GIN1: variants seen among roughly 807,000 people sequenced by gnomAD.
The protein encoded by GIN1 is gypsy retrotransposon integrase-like protein 1.
GIN1 carries 41 observed loss-of-function variants against 51.4 expected under a neutral mutation model. The ratio of observed to expected loss-of-function variants is 0.80; its 90% confidence interval spans 0.62 to 1.04. GIN1 has a LOEUF of 1.04. GIN1 is among the 50% of genes least tolerant of loss of function. The pLI, the probability that GIN1 is intolerant of heterozygous loss-of-function variation, is 0.00. For missense variants in GIN1, 610 were observed against 612.4 expected (o/e 1.00, Z 0.04); for synonymous variants, 222 against 206.5 (o/e 1.07, Z -0.64).
chr5:103,096,507 G>A (rs1562327275), intron 7 of GIN1, 34 bp downstream of exon 7: 2 of 1,457,244 alleles, frequency 1.4e-6, no homozygotes, highest in Non-Finnish European at 1.9e-6. Context: ...CTTACCTAAA[G>A]CAATAAAAAT....
At chr5:103,106,605 C>A (rs1369711760) in intron 3 of GIN1, 111 bp downstream of exon 3, 1 of 626,518 alleles carries the variant, frequency 1.6e-6, no homozygotes, top group Non-Finnish European at 2.7e-6. Flanking sequence ...TAAGTGATTG[C>A]CAAAAATACT....
At chr5:103,118,749 GTT>G (rs10555111) in intron 1 of GIN1, among the ~76,000 whole-genome samples, 1,813 of 87,048 alleles carry the variant, frequency 0.021, 34 homozygotes, top group African/African-American at 0.056. Flanking sequence ...AATGAAAGTT[GTT>G]TTTTTTTTTT....
Position 103,096,809 on chromosome 5 carries a change from C to T in GIN1, c.1026G>A (p.Leu342=). 6.9e-6 allele frequency: 11 copies of T among 1,591,876 alleles called. No individual in the cohort carries two copies. Among genetic ancestry groups the T allele is most frequent in the Non-Finnish European group, 9.5e-6 (11 of 1,161,328 alleles). ...TSLGQMENNN[L]DELNKSKIIV... is the part of the protein sequence containing the mutation. ...TGATCTTGCTTTTATTTAGTTCATC[C>T]AAATTGTTGTTCTCCATCTACAAGT... The change falls in exon 7 of 8, where the codon TTG becomes TTA. Residue 342 remains leucine (L), a synonymous_variant. Coordinates refer to ENST00000399004, the MANE Select transcript of GIN1 (RefSeq NM_017676.2).
chr5:103,102,357 C>T (rs1787598634), intron 4 of GIN1: 1 of 152,184 alleles, frequency 6.6e-6, no homozygotes, highest in Non-Finnish European at 1.5e-5. Context: ...GCCCCCTTAA[C>T]ATCTGTTTGA....
chr5:103,101,031 C>T (rs987842744), intron 4 of GIN1, among the ~76,000 whole-genome samples: 1 of 152,074 alleles, frequency 6.6e-6, no homozygotes, highest in Non-Finnish European at 1.5e-5. Flanking sequence ...CTATGTTTTC[C>T]CCTATACATA....
chr5:103,103,900 C>T (rs1787645399), intron 4 of GIN1, among the ~76,000 whole-genome samples: 1 of 152,142 alleles, frequency 6.6e-6, no homozygotes, highest in Non-Finnish European at 1.5e-5. Context: ...AGTGATCCTC[C>T]TATCTCAACC....
chr5:103,119,226 G>C (rs1447352693), intron 1 of GIN1, among the ~76,000 whole-genome samples: 1 of 152,146 alleles, frequency 6.6e-6, no homozygotes, highest in Non-Finnish European at 1.5e-5. Flanking sequence ...CCCCTAAAAG[G>C]TTATAATACC....
intron 1 of GIN1, among the ~76,000 whole-genome samples, chr5:103,119,762 A>C (rs1167183105): frequency 6.6e-6 from 1 of 152,156 alleles, no homozygotes; most frequent in Non-Finnish European, 1.5e-5. Flanking sequence ...ACGGAATCTT[A>C]AGGGCAAGGT....
intron 1 of GIN1, among the ~76,000 whole-genome samples, chr5:103,111,954 G>GA (rs1554196958): frequency 6.6e-6 from 1 of 152,122 alleles, no homozygotes. Flanking sequence ...AAACTTCTCA[G>GA]AAAAGGTCTA....
chr5:103,099,582 CTTCT>C (rs1787510252), intron 4 of GIN1, among the ~76,000 whole-genome samples: 1 of 152,076 alleles, frequency 6.6e-6, no homozygotes, highest in South Asian at 2.1e-4. Context: ...AAGGCTTTAA[CTTCT>C]TTGTTTCAAA....
At position 103,096,571 on chromosome 5, in the gene GIN1, T is replaced by C; in HGVS notation, c.1264A>G (p.Lys422Glu). Residue 422 changes from lysine (K) to glutamate (E), a missense_variant, in exon 7 of 8, where the codon AAG becomes GAG. By Grantham distance (56) the Lys-to-Glu change is moderately conservative. Coordinates refer to ENST00000399004, the MANE Select transcript of GIN1 (RefSeq NM_017676.2). ...TCACTGGATTCTCTTATGTAGGGCT[T>C]AAGGTGGGACATTTTGATAGGTCTT... Reference protein sequence around the residue: ...LKRPIKMSHLKPYIRESSEQE... With the variant: ...LKRPIKMSHLEPYIRESSEQE... 1 of 1,613,306 alleles carries C rather than the reference T, an allele frequency of 6.2e-7. No homozygotes were observed. The highest frequency in any genetic ancestry group is 8.5e-7 in the Non-Finnish European group (1 of 1,179,378).
At chr5:103,113,217 T>A (rs1480711606) in intron 1 of GIN1, among the ~76,000 whole-genome samples, 4 of 152,164 alleles carry the variant, frequency 2.6e-5, no homozygotes, top group Non-Finnish European at 5.9e-5. Context: ...TCGAAATACA[T>A]CTTTTGCCAT....
intron 7 of GIN1, among the ~76,000 whole-genome samples, chr5:103,093,440 G>T (rs574902574): frequency 5.9e-5 from 9 of 152,096 alleles, no homozygotes; most frequent in Non-Finnish European, 1.2e-4. Flanking sequence ...ACAAGAAAAT[G>T]GATTATTTTC....
chr5:103,096,662 A>C lies in GIN1; in HGVS notation c.1173T>G (p.Cys391Trp), dbSNP rs530042521. 1 of 1,614,112 alleles carries C rather than the reference A, an allele frequency of 6.2e-7. No individual in the cohort carries two copies. The highest frequency in any genetic ancestry group is 8.5e-7 in the Non-Finnish European group (1 of 1,179,968). The change falls in exon 7 of 8, where the codon TGT becomes TGG. Residue 391 changes from cysteine (C) to tryptophan (W), a missense_variant. Cys to Trp is a radical substitution (Grantham distance 215, BLOSUM62 -2). Coordinates refer to ENST00000399004, the MANE Select transcript of GIN1 (RefSeq NM_017676.2). The part of the protein sequence containing the change: ...GRFQSEWVGP[C>W]VIDYITESGC... ...CACTTTCTGTAATATAGTCTATGAC[A>C]CAAGGACCAACCCATTCAGACTGAA...
intron 4 of GIN1, among the ~76,000 whole-genome samples, chr5:103,103,816 G>A (rs1402547009): frequency 6.6e-6 from 1 of 151,944 alleles, no homozygotes; most frequent in Admixed American, 6.6e-5. Context: ...TTGAGACAAG[G>A]TCTCACTCTG....
chr5:103,106,899 C>G lies in GIN1; in HGVS notation c.150G>C (p.Leu50=), dbSNP rs1193564558. Residue 50 remains leucine, a synonymous_variant, in exon 3 of 8, where the codon CTG becomes CTC. Transcript: ENST00000399004. ...AKKFVFKEKK[L]FYVGKDRKQN... is the part of the protein sequence containing the mutation. ...GTTTTCTGTCTTTTCCAACATAAAA[C>G]AGCTTTTTTTCTGGAATAAATGATA... 2 of 1,555,580 alleles carry G rather than the reference C, an allele frequency of 1.3e-6. No homozygotes were observed. Among genetic ancestry groups the G allele is most frequent in the Non-Finnish European group, 1.7e-6 (2 of 1,150,168 alleles).
At chr5:103,093,449 T>C (rs1465135265) in intron 7 of GIN1, among the ~76,000 whole-genome samples, 3 of 152,192 alleles carry the variant, frequency 2.0e-5, no homozygotes, top group African/African-American at 7.2e-5. Flanking sequence ...TGGATTATTT[T>C]CTAGAGCTTC....
At chr5:103,091,562 C>T (rs1173706020) in intron 7 of GIN1, among the ~76,000 whole-genome samples, 1 of 152,170 alleles carries the variant, frequency 6.6e-6, no homozygotes, top group Admixed American at 6.5e-5. Context: ...ATGAAAGCAT[C>T]ATTTTGGTTT....
In GIN1 at chr5:103,086,150, T is replaced by C. The variant is rs1554193853; in HGVS notation, c.*1748A>G. Reference sequence around the variant, plus strand: ...GGTAGTTTTCTGGCAATCTCTGTCATTTCTTGGCATATAGAAACATAATCT... The same window carrying C: ...GGTAGTTTTCTGGCAATCTCTGTCACTTCTTGGCATATAGAAACATAATCT... On this transcript the variant is annotated 3_prime_UTR_variant, in exon 8 of 8. Transcript: ENST00000399004. The C allele has an allele frequency of 6.6e-6, 1 of 152,240 alleles. No individual in the cohort carries two copies. The highest frequency in any genetic ancestry group is 1.9e-4 in the East Asian group (1 of 5,202). 9.4% of individuals were successfully genotyped at this position (152,240 alleles called of 1,614,324 possible).
Sources: gnomAD v4.1 joint callset for allele counts (sites outside exome capture counted in the v4.1 genomes callset) on GRCh38, gnomAD v4.1.1 for gene constraint, MANE v1.5 for transcripts, NCBI Gene and HGNC (gene_info 2026-07-23, HGNC 2026-07-21) for gene names.